The following MAP3K4 variants were observed in gnomAD, a reference collection of about 807,000 sequenced individuals.
MAP3K4 encodes the protein MAP three kinase 1.
Under a neutral mutation model 185.6 loss-of-function variants are expected in MAP3K4, and 67 were observed. The ratio of observed to expected loss-of-function variants is 0.36; its 90% confidence interval spans 0.30 to 0.44. MAP3K4 has a LOEUF of 0.44. Among genes scored for constraint, MAP3K4 ranks in the 20% least tolerant of loss-of-function variants. The pLI, the probability that MAP3K4 is intolerant of heterozygous loss-of-function variation, is 1.00. For missense variants in MAP3K4, 1,551 were observed against 1,995.1 expected (o/e 0.78, Z 4.24); for synonymous variants, 702 against 710.4 (o/e 0.99, Z 0.19).
At chr6:161,099,930 A>G (rs1777759795) in intron 17 of MAP3K4, among the ~76,000 whole-genome samples, 1 of 152,248 alleles carries the variant, frequency 6.6e-6, no homozygotes, top group South Asian at 2.1e-4. Flanking sequence ...GTAGCATTTC[A>G]TAAGTATTCA....
Position 161,091,286 on chromosome 6 carries a change from T to A in MAP3K4, c.2974-93T>A, listed in dbSNP as rs1777292801. ...GCTGAATTGTTTGTAGTGGTTAATGTCTGTGTGATGATGAACGAAATCTTC... is the reference window on the plus strand; with the variant it reads ...GCTGAATTGTTTGTAGTGGTTAATGACTGTGTGATGATGAACGAAATCTTC... On this transcript the variant is annotated intron_variant, in intron 11 of 26. Coordinates refer to ENST00000392142, the MANE Select transcript of MAP3K4 (RefSeq NM_005922.4). This position sits in a 1 kb window ranked among gnomAD's most constrained non-coding sequence, Gnocchi z 5.5. The A allele has an allele frequency of 9.8e-7, 1 of 1,017,852 alleles. No individual in the cohort carries two copies. Among genetic ancestry groups the A allele is most frequent in the Non-Finnish European group, 1.4e-6 (1 of 692,630 alleles). The allele number at this position is 1,017,852 out of a possible 1,614,324, so 63.1% of individuals were successfully genotyped here. A position where few individuals can be genotyped will look rare whatever the true frequency, so the allele number is the denominator to read the frequency against.
rs1182221399 is a variant in MAP3K4 at position 161,056,702 on chromosome 6, CT to C, written c.1707+6727del. Among the ~76,000 whole-genome samples, 1 of 152,178 alleles carries C rather than the reference CT, an allele frequency of 6.6e-6. No individual in the cohort carries two copies. Among genetic ancestry groups the C allele is most frequent in the African/African-American group, 2.4e-5 (1 of 41,440 alleles). ...CAGTCAAGTTCCTTTTGTCTTTAGC[CT>C]TTTATAGTCAAAACACTATTCTCCA... On this transcript the variant is annotated intron_variant, in intron 3 of 26. Coordinates refer to ENST00000392142, the MANE Select transcript of MAP3K4 (RefSeq NM_005922.4). The surrounding 1 kb of genome is among the most constrained non-coding windows in gnomAD (Gnocchi z 5.4).
Position 161,051,100 on chromosome 6 carries a change from G to A in MAP3K4, c.1707+1121G>A, listed in dbSNP as rs1311126708. On this transcript the variant is annotated intron_variant, in intron 3 of 26. Transcript: ENST00000392142. The surrounding 1 kb of genome is among the most constrained non-coding windows in gnomAD (Gnocchi z 4.2). Reference sequence around the variant, plus strand: ...ATACTGTATAGTTTGGGGAATAATGGCAAGAAAAAAGTTTGTACATGTTTA... The same window carrying A: ...ATACTGTATAGTTTGGGGAATAATGACAAGAAAAAAGTTTGTACATGTTTA... 3.9e-5 allele frequency among the ~76,000 whole-genome samples: 6 copies of A among 152,114 alleles called. No individual in the cohort carries two copies. The highest frequency in any genetic ancestry group is 9.7e-5 in the African/African-American group (4 of 41,410).
At chr6:161,095,198 A>G (rs916778424) in intron 15 of MAP3K4, among the ~76,000 whole-genome samples, 3 of 152,074 alleles carry the variant, frequency 2.0e-5, no homozygotes, top group African/African-American at 4.8e-5. Context: ...CTCAGTCACT[A>G]TGGGTTAGTG....
Position 161,022,284 on chromosome 6 carries a change from A to C in MAP3K4, c.153-11975A>C, listed in dbSNP as rs1782439575. 3 of 152,196 alleles carry C rather than the reference A, an allele frequency of 2.0e-5. No individual in the cohort carries two copies. The highest frequency in any genetic ancestry group is 2.0e-4 in the Admixed American group (3 of 15,280). The allele number at this position is 152,196 out of a possible 1,614,324, so 9.4% of individuals were successfully genotyped here. The stretch of plus-strand genomic sequence containing the variant: ...CGATTTCAGTTAGACCTTTTATTTG[A>C]CATATACAGATAAATAAACCAGGCA... On this transcript the variant is annotated intron_variant, in intron 1 of 26. Coordinates refer to ENST00000392142, the MANE Select transcript of MAP3K4 (RefSeq NM_005922.4). The surrounding 1 kb of genome is among the most constrained non-coding windows in gnomAD (Gnocchi z 4.2).
At chr6:161,102,572 C>A in intron 18 of MAP3K4, 127 bp from the exon 19 acceptor site, 1 of 601,650 alleles carries the variant, frequency 1.7e-6, no homozygotes, top group Non-Finnish European at 2.9e-6. Flanking sequence ...CTACATCAAA[C>A]ACACTAAAAA....
Position 161,098,216 on chromosome 6 carries a change from A to G in MAP3K4, c.3525-62A>G, listed in dbSNP as rs75153237. 72,899 of 1,475,476 alleles carry G rather than the reference A, an allele frequency of 0.049. 2,110 individuals carry two copies. Among genetic ancestry groups the G allele is most frequent in the South Asian group, 0.079 (5,765 of 72,664 alleles). The allele number at this position is 1,475,476 out of a possible 1,614,324, so 91.4% of individuals were successfully genotyped here. A position where few individuals can be genotyped will look rare whatever the true frequency, so the allele number is the denominator to read the frequency against. The stretch of plus-strand genomic sequence containing the variant: ...TGCCATATTTTATTTTTAATTGAAA[A>G]CAATTTTCAAGTCCGTTCCCTCTTC... On this transcript the variant is annotated intron_variant, in intron 16 of 26. Coordinates refer to ENST00000392142, the MANE Select transcript of MAP3K4 (RefSeq NM_005922.4). This position sits in a 1 kb window ranked among gnomAD's most constrained non-coding sequence, Gnocchi z 4.4.
Position 161,116,208 on chromosome 6 carries a change from G to C in MAP3K4, c.4807-642G>C, listed in dbSNP as rs1385209375. On this transcript the variant is annotated intron_variant, in intron 26 of 26. Transcript: ENST00000392142. The surrounding 1 kb of genome is among the most constrained non-coding windows in gnomAD (Gnocchi z 6.2). ...TAGGGAAAGAAGCAGCTGGGTGAGG[G>C]GTGGGTCGGGAGGTGGTGGGTCCTC... Among the ~76,000 whole-genome samples, 1 of 151,922 alleles carries C rather than the reference G, an allele frequency of 6.6e-6. No individual in the cohort carries two copies. Among genetic ancestry groups the C allele is most frequent in the Non-Finnish European group, 1.5e-5 (1 of 67,976 alleles).
Position 161,067,362 on chromosome 6 carries a change from A to G in MAP3K4, c.1708-3246A>G. The G allele has an allele frequency of 5.7e-6, 2 of 349,650 alleles. No individual in the cohort carries two copies. Among genetic ancestry groups the G allele is most frequent in the Non-Finnish European group, 5.8e-6 (1 of 171,064 alleles). 21.7% of individuals were successfully genotyped at this position (349,650 alleles called of 1,614,324 possible). On this transcript the variant is annotated intron_variant, in intron 3 of 26. Coordinates refer to ENST00000392142, the MANE Select transcript of MAP3K4 (RefSeq NM_005922.4). This position sits in a 1 kb window ranked among gnomAD's most constrained non-coding sequence, Gnocchi z 6.3. The stretch of plus-strand genomic sequence containing the variant: ...ATTAGCTTCCTTATGCATCGATCTC[A>G]GTGAGCAGAGGGAACAGGATGGGAG...
chr6:161,009,421 C>G (rs1781747699), intron 1 of MAP3K4, among the ~76,000 whole-genome samples: 1 of 152,128 alleles, frequency 6.6e-6, no homozygotes, highest in Admixed American at 6.5e-5. Flanking sequence ...CCCCATCTAC[C>G]CCGGTAAACA....
intron 1 of MAP3K4, among the ~76,000 whole-genome samples, chr6:161,000,759 G>A: frequency 6.7e-6 from 1 of 149,738 alleles, no homozygotes; most frequent in East Asian, 1.9e-4. Context: ...ACACCCATCT[G>A]TATACACACA....
rs1256038512 is a variant in MAP3K4, at chr6:161,097,354, C to G, written c.3524+178C>G. 2.0e-5 allele frequency among the ~76,000 whole-genome samples: 3 copies of G among 152,174 alleles called. No individual in the cohort carries two copies. The highest frequency in any genetic ancestry group is 2.9e-5 in the Non-Finnish European group (2 of 68,024). On this transcript the variant is annotated intron_variant, in intron 16 of 26. Coordinates refer to ENST00000392142, the MANE Select transcript of MAP3K4 (RefSeq NM_005922.4). This position sits in a 1 kb window ranked among gnomAD's most constrained non-coding sequence, Gnocchi z 4.9. ...TTTAGTCGCAAAAGAAAAAGACATG[C>G]AAATTTAAAACAGACCTGTGCCTTT... is the stretch of plus-strand genomic sequence containing the variant.
intron 1 of MAP3K4, among the ~76,000 whole-genome samples, chr6:161,028,238 T>C (rs527435743): frequency 6.6e-6 from 1 of 152,290 alleles, no homozygotes; most frequent in South Asian, 2.1e-4. Flanking sequence ...TGTTTTTGTA[T>C]GTATGTTTAA....
At chr6:161,020,674 A>AT (rs1782343607) in intron 1 of MAP3K4, among the ~76,000 whole-genome samples, 4 of 142,392 alleles carry the variant, frequency 2.8e-5, no homozygotes, top group Admixed American at 2.7e-4. Context: ...AAAAAAAAAA[A>AT]CAAGAAAGAG....
intron 6 of MAP3K4, among the ~76,000 whole-genome samples, chr6:161,081,818 C>T (rs1785473676): frequency 6.6e-6 from 1 of 152,172 alleles, no homozygotes; most frequent in Non-Finnish European, 1.5e-5. Flanking sequence ...CTTTTGGCAC[C>T]ACCTTCTCCC....
Position 161,063,212 on chromosome 6 carries a change from TC to T in MAP3K4, c.1708-7395del, listed in dbSNP as rs1784556373. Among the ~76,000 whole-genome samples, 1 of 152,110 alleles carries T rather than the reference TC, an allele frequency of 6.6e-6. No homozygotes were observed. Among genetic ancestry groups the T allele is most frequent in the African/African-American group, 2.4e-5 (1 of 41,454 alleles). On this transcript the variant is annotated intron_variant, in intron 3 of 26. Transcript: ENST00000392142. The surrounding 1 kb of genome is among the most constrained non-coding windows in gnomAD (Gnocchi z 5.4). ...TGAGTTCTATCACTGAGGTTTTTTT[TC>T]TAATTCTAATTTTTGTCATTATTTT...
chr6:161,101,802 T>G lies in MAP3K4; in HGVS notation c.3675-90T>G. On this transcript the variant is annotated intron_variant, in intron 17 of 26. Coordinates refer to ENST00000392142, the MANE Select transcript of MAP3K4 (RefSeq NM_005922.4). This position sits in a 1 kb window ranked among gnomAD's most constrained non-coding sequence, Gnocchi z 5.1. ...TCCTGGCAGGCAGAGTTGCCCCCAG[T>G]TGAGAATTATTGCTCTAGAAAAATC... The G allele has an allele frequency of 9.1e-7, 1 of 1,101,696 alleles. No homozygotes were observed. Among genetic ancestry groups the G allele is most frequent in the Non-Finnish European group, 1.3e-6 (1 of 746,400 alleles). The allele number at this position is 1,101,696 out of a possible 1,614,324, so 68.2% of individuals were successfully genotyped here.
At chr6:160,994,068 T>A (rs74527396) in intron 1 of MAP3K4, among the ~76,000 whole-genome samples, 5 of 152,110 alleles carry the variant, frequency 3.3e-5, no homozygotes, top group East Asian at 1.9e-4. Context: ...CTTTTTTTTT[T>A]AACCATTTTA....
intron 3 of MAP3K4, among the ~76,000 whole-genome samples, chr6:161,050,293 A>T (rs1441802105): frequency 6.6e-6 from 1 of 152,204 alleles, no homozygotes. Context: ...GGATGACCAC[A>T]AGCTGCATGT....
Sources: allele counts gnomAD v4.1 joint callset (sites outside exome capture counted in the v4.1 genomes callset), GRCh38; gene constraint gnomAD v4.1.1; non-coding constraint Gnocchi (gnomAD v3.1); transcripts MANE v1.5; gene names NCBI Gene and HGNC (gene_info 2026-07-23, HGNC 2026-07-21).